The following DLG2 variants were observed in gnomAD, a reference collection of about 807,000 sequenced individuals.
DLG2 encodes the protein discs large MAGUK scaffold protein 2.
In DLG2, 45 loss-of-function variants were observed where a neutral mutation model predicts 132.5. That is an observed-to-expected ratio of 0.34 (90% CI 0.27 to 0.44). The LOEUF (loss-of-function observed/expected upper bound fraction) is 0.44, where lower values mean the gene tolerates loss of function less well. Ranked by LOEUF, DLG2 falls within the 20% of genes least tolerant of loss-of-function variation. The probability of loss-of-function intolerance (pLI) is 1.00; values close to 1 mark genes in which losing one functional copy is unlikely to be tolerated. For synonymous variants in DLG2, 424 were observed against 419.6 expected, an observed-to-expected ratio of 1.01 and a Z score of -0.13; for missense variants, 1,045 against 1,196.9, an observed-to-expected ratio of 0.87 and a Z score of 1.87.
At chr11:85,200,949 C>A (rs2081412115) in intron 4 of DLG2, among the ~76,000 whole-genome samples, 1 of 152,182 alleles carries the variant, frequency 6.6e-6, no homozygotes, top group Non-Finnish European at 1.5e-5. Context: ...CCAGCTCCTT[C>A]TGCTGCAGTT....
intron 3 of DLG2, among the ~76,000 whole-genome samples, chr11:85,461,280 T>G (rs138613095): frequency 6.6e-6 from 1 of 152,206 alleles, no homozygotes; most frequent in African/African-American, 2.4e-5. Context: ...TATACTCCAT[T>G]TGAATGTGTC....
intron 4 of DLG2, among the ~76,000 whole-genome samples, chr11:85,176,260 G>A (rs1181503067): frequency 1.3e-5 from 2 of 151,846 alleles, no homozygotes; most frequent in African/African-American, 4.8e-5. Context: ...CTGTAAAAAA[G>A]AAGACACCTA....
intron 6 of DLG2, among the ~76,000 whole-genome samples, chr11:84,807,402 T>C: frequency 6.6e-6 from 1 of 151,992 alleles, no homozygotes; most frequent in Non-Finnish European, 1.5e-5. Flanking sequence ...GCCGAGATTG[T>C]GCCATTGCAC....
intron 6 of DLG2, among the ~76,000 whole-genome samples, chr11:84,785,147 C>A (rs1265190048): frequency 6.6e-6 from 1 of 151,570 alleles, no homozygotes; most frequent in East Asian, 1.9e-4. Context: ...CAAAACAAGG[C>A]TATATATGGT....
At chr11:84,120,823 G>A (rs2093875418) in intron 9 of DLG2, among the ~76,000 whole-genome samples, 1 of 152,152 alleles carries the variant, frequency 6.6e-6, no homozygotes, top group South Asian at 2.1e-4. Context: ...TTTGAGCTGA[G>A]TTTAAAAGCA....
At chr11:84,841,329 A>G (rs2080655632) in intron 6 of DLG2, among the ~76,000 whole-genome samples, 1 of 151,988 alleles carries the variant, frequency 6.6e-6, no homozygotes, top group Non-Finnish European at 1.5e-5. Context: ...AAGAAATAAA[A>G]AATAATAACA....
At chr11:85,493,635 A>G (rs1287981271) in intron 3 of DLG2, among the ~76,000 whole-genome samples, 1 of 151,256 alleles carries the variant, frequency 6.6e-6, no homozygotes, top group Non-Finnish European at 1.5e-5. Flanking sequence ...GTGCCCCTGC[A>G]CTGCAGCCTG....
At chr11:85,335,713 A>ATG (rs1440407122) in intron 3 of DLG2, among the ~76,000 whole-genome samples, 1 of 151,792 alleles carries the variant, frequency 6.6e-6, no homozygotes, top group Non-Finnish European at 1.5e-5. Context: ...CAAACACCGC[A>ATG]TGTTCTCACT....
At chr11:84,221,700 T>C (rs923548741) in intron 8 of DLG2, among the ~76,000 whole-genome samples, 7 of 152,068 alleles carry the variant, frequency 4.6e-5, no homozygotes, top group Non-Finnish European at 8.8e-5. Flanking sequence ...AGCTAATATT[T>C]TCTTTTACGT....
At chr11:84,552,090 C>T (rs61897759) in intron 6 of DLG2, among the ~76,000 whole-genome samples, 13,001 of 152,128 alleles carry the variant, frequency 0.085, 592 homozygotes, top group African/African-American at 0.13. Context: ...ATCTCAGTAA[C>T]CCCCTGGCAC....
At chr11:84,352,525 T>C (rs562490407) in intron 7 of DLG2, among the ~76,000 whole-genome samples, 17 of 152,312 alleles carry the variant, frequency 1.1e-4, no homozygotes, top group Non-Finnish European at 2.5e-4. Context: ...AGAATTTTGT[T>C]TCCTGTATGT....
intron 3 of DLG2, among the ~76,000 whole-genome samples, chr11:85,467,272 T>G (rs574643631): frequency 3.9e-5 from 6 of 152,336 alleles, no homozygotes; most frequent in African/African-American, 1.4e-4. Context: ...CAATTTGACT[T>G]CCTCTTTTCC....
intron 4 of DLG2, among the ~76,000 whole-genome samples, chr11:85,279,782 A>G (rs962999100): frequency 6.6e-6 from 1 of 152,258 alleles, no homozygotes; most frequent in Non-Finnish European, 1.5e-5. Flanking sequence ...TCAAGAACCT[A>G]TTGAGAGCAG....
chr11:84,042,159 T>C (rs1468990224), intron 11 of DLG2, among the ~76,000 whole-genome samples: 1 of 152,012 alleles, frequency 6.6e-6, no homozygotes, highest in East Asian at 1.9e-4. Context: ...TAAAGATAGA[T>C]GTCCAGTTTT....
At chr11:83,914,952 T>C (rs2076686550) in intron 15 of DLG2, among the ~76,000 whole-genome samples, 2 of 151,106 alleles carry the variant, frequency 1.3e-5, no homozygotes, top group South Asian at 4.2e-4. Context: ...GTGTGCAGAG[T>C]AGGAAGAGAA....
intron 18 of DLG2, among the ~76,000 whole-genome samples, chr11:83,755,366 C>T (rs2093603004): frequency 6.6e-6 from 1 of 150,946 alleles, no homozygotes; most frequent in South Asian, 2.1e-4. Context: ...TGTCCACAAG[C>T]AAACGGCAAA....
At chr11:85,200,956 A>G (rs2081412671) in intron 4 of DLG2, among the ~76,000 whole-genome samples, 1 of 152,088 alleles carries the variant, frequency 6.6e-6, no homozygotes, top group Admixed American at 6.5e-5. Flanking sequence ...CTTCTGCTGC[A>G]GTTGGGAAAC....
intron 3 of DLG2, among the ~76,000 whole-genome samples, chr11:85,382,618 T>C (rs2085983319): frequency 6.6e-6 from 1 of 152,046 alleles, no homozygotes; most frequent in Admixed American, 6.6e-5. Flanking sequence ...ATTATTGAGA[T>C]ATCTAAAGAA....
intron 7 of DLG2, among the ~76,000 whole-genome samples, chr11:84,513,608 T>C (rs1241836761): frequency 6.6e-6 from 1 of 151,900 alleles, no homozygotes; most frequent in African/African-American, 2.4e-5. Flanking sequence ...TCAATAAAGG[T>C]GTTGGGAAAA....
Sources: allele counts gnomAD v4.1 joint callset (sites outside exome capture counted in the v4.1 genomes callset), GRCh38; gene constraint gnomAD v4.1.1; transcripts MANE v1.5; gene names NCBI Gene and HGNC (gene_info 2026-07-23, HGNC 2026-07-21).